RGS7: variants seen among roughly 807,000 people sequenced by gnomAD.
The protein encoded by RGS7 is regulator of G protein signaling 7, also known as regulator of G-protein signaling 7.
A neutral mutation model predicts 81.1 loss-of-function variants in RGS7; 27 were observed. That is an observed-to-expected ratio of 0.33 (90% CI 0.25 to 0.46). RGS7 has a LOEUF of 0.46. Ranked by LOEUF, RGS7 falls within the 20% of genes least tolerant of loss-of-function variation. The probability of loss-of-function intolerance (pLI) is 1.00; values close to 1 mark genes in which losing one functional copy is unlikely to be tolerated. For synonymous variants in RGS7, 208 were observed against 207.7 expected, an observed-to-expected ratio of 1.00 and a Z score of -0.01; for missense variants, 396 against 607.4, an observed-to-expected ratio of 0.65 and a Z score of 3.66.
rs184641933 is a variant in RGS7, at chr1:241,348,936, T to C, written c.78+6763A>G. ...TTTCTTTCATTATCAAAAAATATGG[T>C]AACATAGGGTACCCCACCTGGCATA... On this transcript the variant is annotated intron_variant, in intron 2 of 18. Transcript: ENST00000440928. 1.3e-3 allele frequency among the ~76,000 whole-genome samples: 194 copies of C among 152,294 alleles called. 1 individual carries two copies. The highest frequency in any genetic ancestry group is 3.7e-3 in the African/African-American group (153 of 41,574).
intron 14 of RGS7, 77 bp from the exon 15 acceptor site, chr1:240,806,403 C>CAGTT: frequency 7.1e-7 from 1 of 1,408,372 alleles, no homozygotes; most frequent in Non-Finnish European, 1.0e-6. Context: ...ACGGATCATG[C>CAGTT]AGTTCATCAT....
intron 2 of RGS7, among the ~76,000 whole-genome samples, chr1:241,274,165 G>T (rs1558262310): frequency 6.6e-6 from 1 of 152,192 alleles, no homozygotes; most frequent in Non-Finnish European, 1.5e-5. Context: ...GAGTGGAAGT[G>T]ATAGTCTCTT....
intron 3 of RGS7, among the ~76,000 whole-genome samples, chr1:241,000,813 A>G (rs868738680): frequency 3.7e-4 from 24 of 64,550 alleles, no homozygotes; most frequent in Admixed American, 1.2e-3. Context: ...ACACCCAGCT[A>G]ATTTTTTTTT....
intron 4 of RGS7, among the ~76,000 whole-genome samples, chr1:240,955,167 GA>G (rs1680159870): frequency 6.6e-6 from 1 of 152,052 alleles, no homozygotes; most frequent in South Asian, 2.1e-4. Flanking sequence ...CTGAAAAACT[GA>G]ACTAAAGATT....
intron 2 of RGS7, among the ~76,000 whole-genome samples, chr1:241,235,909 T>TGAGAGAGAAAGAGAGAGAGAGAGAAAGA (rs11274117): frequency 7.3e-6 from 1 of 137,902 alleles, no homozygotes; most frequent in Non-Finnish European, 1.6e-5. Flanking sequence ...AGATGCACTT[T>TGAGAGAGAAAGAGAGAGAGAGAGAAAGA]GAGAGAGAGA....
chr1:241,147,171 C>T (rs1016979576), intron 2 of RGS7, among the ~76,000 whole-genome samples: 31 of 152,228 alleles, frequency 2.0e-4, no homozygotes, highest in African/African-American at 7.5e-4. Context: ...TCATCAAGGC[C>T]ACCTTCCAGA....
intron 2 of RGS7, among the ~76,000 whole-genome samples, chr1:241,346,886 C>T (rs891215583): frequency 6.6e-6 from 1 of 151,926 alleles, no homozygotes; most frequent in African/African-American, 2.4e-5. Context: ...ATTTCCAGAG[C>T]GAATGCACCT....
intron 3 of RGS7, among the ~76,000 whole-genome samples, chr1:241,046,310 C>CT (rs1553399797): frequency 0.15 from 21,988 of 149,758 alleles, 2,437 homozygotes; most frequent in African/African-American, 0.3. Flanking sequence ...TGACCCCCCC[C>CT]CCCTTTTCTA....
intron 4 of RGS7, among the ~76,000 whole-genome samples, chr1:240,940,764 A>G (rs1207582642): frequency 6.6e-6 from 1 of 151,080 alleles, no homozygotes; most frequent in African/African-American, 2.4e-5. Flanking sequence ...GATTAGAAAA[A>G]TAGAGTGAAA....
At chr1:241,183,058 TC>T (rs1300615943) in intron 2 of RGS7, among the ~76,000 whole-genome samples, 1 of 152,018 alleles carries the variant, frequency 6.6e-6, no homozygotes, top group East Asian at 1.9e-4. Context: ...TGCTTGCTAG[TC>T]CCTTATCCAG....
chr1:241,192,801 C>T (rs1269748835), intron 2 of RGS7, among the ~76,000 whole-genome samples: 1 of 152,122 alleles, frequency 6.6e-6, no homozygotes, highest in Non-Finnish European at 1.5e-5. Context: ...AAGTTCAGAG[C>T]CCCACAGTAC....
chr1:241,062,590 C>T (rs2061797420), intron 3 of RGS7, among the ~76,000 whole-genome samples: 1 of 152,132 alleles, frequency 6.6e-6, no homozygotes, highest in South Asian at 2.1e-4. Context: ...GTAGTTTTCC[C>T]CAGACTCTGC....
intron 2 of RGS7, among the ~76,000 whole-genome samples, chr1:241,138,906 C>CT (rs2067717577): frequency 1.3e-5 from 2 of 151,962 alleles, no homozygotes. Context: ...AAACTCCAGG[C>CT]TTTTTTCTGT....
chr1:241,246,483 G>C (rs1879743), intron 2 of RGS7, among the ~76,000 whole-genome samples: 3 of 151,966 alleles, frequency 2.0e-5, no homozygotes, highest in African/African-American at 7.3e-5. Flanking sequence ...TTCCAATGGA[G>C]AGATCCATTC....
intron 3 of RGS7, among the ~76,000 whole-genome samples, chr1:241,097,310 C>A (rs761762537): frequency 2.0e-5 from 3 of 151,960 alleles, no homozygotes; most frequent in African/African-American, 2.4e-5. Context: ...GAAACTAGAA[C>A]GAAGTGGGCA....
chr1:241,327,121 AG>A (rs2081616981), intron 2 of RGS7, among the ~76,000 whole-genome samples: 1 of 111,566 alleles, frequency 9.0e-6, no homozygotes, highest in South Asian at 2.9e-4. Context: ...AAAGAAAGAA[AG>A]AAAGAAAGAA....
intron 10 of RGS7, among the ~76,000 whole-genome samples, chr1:240,825,430 A>G (rs1412229835): frequency 6.6e-6 from 1 of 152,232 alleles, no homozygotes; most frequent in African/African-American, 2.4e-5. Flanking sequence ...GACTGTGAGA[A>G]GCTACATTTA....
intron 2 of RGS7, among the ~76,000 whole-genome samples, chr1:241,153,306 G>A (rs1177177851): frequency 1.3e-5 from 2 of 152,228 alleles, no homozygotes; most frequent in African/African-American, 2.4e-5. Flanking sequence ...CAAATGCACT[G>A]CCTTCAAGCT....
At chr1:241,109,212 G>C (rs2065341069) in intron 2 of RGS7, among the ~76,000 whole-genome samples, 1 of 152,078 alleles carries the variant, frequency 6.6e-6, no homozygotes, top group African/African-American at 2.4e-5. Flanking sequence ...AATTGCTCCT[G>C]CCTGCCTCAC....
Sources: allele counts gnomAD v4.1 joint callset (sites outside exome capture counted in the v4.1 genomes callset), GRCh38; gene constraint gnomAD v4.1.1; transcripts MANE v1.5; gene names NCBI Gene and HGNC (gene_info 2026-07-23, HGNC 2026-07-21).